Variants in ZNF536 observed in about 807,000 individuals in gnomAD.
ZNF536 encodes the protein zinc finger protein 536.
ZNF536 carries 13 observed loss-of-function variants against 84.5 expected under a neutral mutation model. The observed-to-expected ratio is 0.15, with a 90% CI of 0.10 to 0.24. The LOEUF is 0.24. Ranked by LOEUF, ZNF536 falls within the 10% of genes least tolerant of loss-of-function variation. The probability of loss-of-function intolerance (pLI) is 1.00; values close to 1 mark genes in which losing one functional copy is unlikely to be tolerated. For synonymous variants in ZNF536, 811 were observed against 742.5 expected, an observed-to-expected ratio of 1.09 and a Z score of -1.50; for missense variants, 1,536 against 1,747.5, an observed-to-expected ratio of 0.88 and a Z score of 2.16.
intron 2 of ZNF536, among the ~76,000 whole-genome samples, chr19:30,313,491 C>T (rs2046574208): frequency 6.6e-6 from 1 of 152,142 alleles, no homozygotes; most frequent in African/African-American, 2.4e-5. Context: ...GAAGCCCACC[C>T]ACTCCGCACT....
At chr19:30,315,398 A>G (rs1568326003) in intron 2 of ZNF536, among the ~76,000 whole-genome samples, 2 of 152,154 alleles carry the variant, frequency 1.3e-5, no homozygotes, top group Admixed American at 6.5e-5. Flanking sequence ...AAATTGAGTC[A>G]GAGTTTTATA....
intron 1 of ZNF536, among the ~76,000 whole-genome samples, chr19:30,271,776 G>A (rs1397245629): frequency 1.3e-5 from 2 of 152,192 alleles, no homozygotes; most frequent in Non-Finnish European, 1.5e-5. Flanking sequence ...AGGTGGAAAC[G>A]GTTGGAAGAG....
intron 1 of ZNF536, among the ~76,000 whole-genome samples, chr19:30,281,184 G>A (rs557275630): frequency 1.3e-5 from 2 of 152,202 alleles, no homozygotes; most frequent in East Asian, 3.9e-4. Context: ...CCTCAGAGAG[G>A]CCTTGGAAGT....
intron 1 of ZNF536, among the ~76,000 whole-genome samples, chr19:30,381,489 C>A (rs1359187776): frequency 6.6e-6 from 1 of 152,154 alleles, no homozygotes; most frequent in Non-Finnish European, 1.5e-5. Context: ...CTGGGACTGG[C>A]ATGGGAAGAT....
At chr19:30,683,715 G>T (rs900791770) in intron 1 of ZNF536, among the ~76,000 whole-genome samples, 4 of 152,154 alleles carry the variant, frequency 2.6e-5, no homozygotes, top group Non-Finnish European at 5.9e-5. Flanking sequence ...CCAAAGAAGC[G>T]TGTGGCCACA....
intron 2 of ZNF536, among the ~76,000 whole-genome samples, chr19:30,339,180 G>GGA (rs1450833400): frequency 6.6e-6 from 1 of 152,224 alleles, no homozygotes; most frequent in Non-Finnish European, 1.5e-5. Flanking sequence ...TGAAAAAAGG[G>GGA]GAGAGCGTCC....
chr19:30,598,504 G>C (rs1435391939), intron 1 of ZNF536, among the ~76,000 whole-genome samples: 1 of 152,120 alleles, frequency 6.6e-6, no homozygotes, highest in African/African-American at 2.4e-5. Flanking sequence ...AAAACCTAGG[G>C]ACTCCACTTT....
rs2025786015 is a variant in ZNF536 at position 30,270,756 on chromosome 19, T to C, written c.-189-13316T>C. Among the ~76,000 whole-genome samples the C allele has an allele frequency of 2.0e-5, 3 of 152,258 alleles. No individual in the cohort carries two copies. In the South Asian group the frequency reaches 6.2e-4, roughly 32 times the overall value. On this transcript the variant is annotated intron_variant, in intron 1 of 5. Coordinates refer to the ZNF536 transcript ENST00000585628. ...GTAGCTGGGAAAAATGCAGGTTTTTTTTTTTTTTTTTTAAAGAACAATGCT... is the reference window on the plus strand; with the variant it reads ...GTAGCTGGGAAAAATGCAGGTTTTTCTTTTTTTTTTTTAAAGAACAATGCT...
chr19:30,484,472 G>A (rs2054216960), intron 2 of ZNF536, among the ~76,000 whole-genome samples: 1 of 144,826 alleles, frequency 6.9e-6, no homozygotes, highest in African/African-American at 2.6e-5. Flanking sequence ...TCCTGACCTC[G>A]TGATCTGCCC....
chr19:30,657,952 G>C (rs560698052), intron 1 of ZNF536, among the ~76,000 whole-genome samples: 1 of 152,218 alleles, frequency 6.6e-6, no homozygotes, highest in East Asian at 1.9e-4. Context: ...TCAGCTAGAA[G>C]GAACTTCTGG....
chr19:30,403,089 G>A (rs1363903275), intron 1 of ZNF536, among the ~76,000 whole-genome samples: 1 of 152,040 alleles, frequency 6.6e-6, no homozygotes, highest in Non-Finnish European at 1.5e-5. Flanking sequence ...GCTTTGCGGA[G>A]GAGAACACCG....
intron 1 of ZNF536, among the ~76,000 whole-genome samples, chr19:30,254,314 G>A (rs544471879): frequency 2.0e-5 from 3 of 152,192 alleles, no homozygotes; most frequent in South Asian, 2.1e-4. Flanking sequence ...AGCAAGGAGG[G>A]CACATGTTCT....
intron 4 of ZNF536, chr19:30,555,447 G>T (rs1385657268): frequency 6.6e-6 from 1 of 152,202 alleles, no homozygotes; most frequent in East Asian, 1.9e-4. Flanking sequence ...GTGATGCATG[G>T]TTGATAGCTC....
At chr19:30,365,138 T>C (rs1450601405) in intron 3 of ZNF536, among the ~76,000 whole-genome samples, 1 of 152,252 alleles carries the variant, frequency 6.6e-6, no homozygotes, top group African/African-American at 2.4e-5. Flanking sequence ...CGTAATTATC[T>C]TGTTTACTCA....
chr19:30,462,383 G>A (rs1317400594), intron 2 of ZNF536, among the ~76,000 whole-genome samples: 2 of 151,994 alleles, frequency 1.3e-5, no homozygotes, highest in Non-Finnish European at 2.9e-5. Context: ...TGCTTGTGCT[G>A]TCTTGGGGTG....
chr19:30,258,300 C>T (rs1188948341), intron 1 of ZNF536, among the ~76,000 whole-genome samples: 1 of 152,146 alleles, frequency 6.6e-6, no homozygotes, highest in African/African-American at 2.4e-5. Flanking sequence ...TGAAACTAGC[C>T]CCATCCTCTT....
Position 30,575,977 on chromosome 19 carries a change from C to T in ZNF536, c.169+26463C>T, listed in dbSNP as rs996102982. ...GCAGAGGCCAGCTTCATGGGGTGTG[C>T]GCCCCATGCAGTCCCTTAAGGCCTA... On this transcript the variant is annotated intron_variant, in intron 1 of 1. Coordinates refer to the ZNF536 transcript ENST00000592773. 3.9e-5 allele frequency among the ~76,000 whole-genome samples: 6 copies of T among 152,264 alleles called. No homozygotes were observed. In the East Asian group the frequency reaches 7.8e-4, roughly 20 times the overall value.
chr19:30,403,612 G>A (rs531213569), intron 1 of ZNF536, among the ~76,000 whole-genome samples: 7 of 152,292 alleles, frequency 4.6e-5, no homozygotes, highest in South Asian at 2.1e-4. Context: ...GCTGCTATCC[G>A]CTTTATTGAA....
chr19:30,668,009 A>C (rs533143763), intron 1 of ZNF536, among the ~76,000 whole-genome samples: 1 of 152,268 alleles, frequency 6.6e-6, no homozygotes. Flanking sequence ...TCAGGGCACT[A>C]TCCTTTCAAG....
Sources: allele counts gnomAD v4.1 joint callset (sites outside exome capture counted in the v4.1 genomes callset), GRCh38; gene constraint gnomAD v4.1.1; transcripts MANE v1.5; gene names NCBI Gene and HGNC (gene_info 2026-07-23, HGNC 2026-07-21).